Variants in ZNF644 observed in about 807,000 individuals in gnomAD.
ZNF644 encodes the protein zinc finger protein 644.
A neutral mutation model predicts 108.0 loss-of-function variants in ZNF644; 20 were observed. The observed-to-expected ratio is 0.19, with a 90% CI of 0.13 to 0.27. The LOEUF is 0.27. Among genes scored for constraint, ZNF644 ranks in the 10% least tolerant of loss-of-function variants. The pLI, the probability that ZNF644 is intolerant of heterozygous loss-of-function variation, is 1.00. For synonymous variants in ZNF644, 542 were observed against 539.1 expected (o/e 1.01, Z -0.08); for missense variants, 1,338 against 1,548.9 (o/e 0.86, Z 2.29).
Position 90,988,858 on chromosome 1 carries a change from T to C in ZNF644, c.-17-6488A>G, listed in dbSNP as rs1657368232. 2.6e-5 allele frequency among the ~76,000 whole-genome samples: 4 copies of C among 152,150 alleles called. No individual in the cohort carries two copies. In the South Asian group the frequency reaches 8.3e-4, roughly 32 times the overall value. On this transcript the variant is annotated intron_variant, in intron 1 of 5. Coordinates refer to ENST00000337393, the MANE Select transcript of ZNF644 (RefSeq NM_201269.3). ...CGTGAAAAAGAATGAAGTCGGACCC[T>C]TACTTACACCACATACAAAAATTAA... is the stretch of plus-strand genomic sequence containing the variant.
intron 1 of ZNF644, among the ~76,000 whole-genome samples, chr1:91,008,151 C>G (rs1435353369): frequency 6.6e-6 from 1 of 152,218 alleles, no homozygotes; most frequent in Non-Finnish European, 1.5e-5. Flanking sequence ...TTAATTCTCC[C>G]TGTTTTCCAG....
At chr1:90,961,438 G>C (rs1290350626) in intron 2 of ZNF644, among the ~76,000 whole-genome samples, 1 of 152,048 alleles carries the variant, frequency 6.6e-6, no homozygotes, top group Admixed American at 6.6e-5. Context: ...CCTTATTAGA[G>C]GATCTTCAAT....
chr1:90,965,826 T>G (rs1022446296), intron 2 of ZNF644, among the ~76,000 whole-genome samples: 14 of 152,172 alleles, frequency 9.2e-5, no homozygotes, highest in Non-Finnish European at 2.9e-5. Context: ...CTCGGCTCAC[T>G]GATACCTTCA....
In ZNF644 at chr1:90,915,811, A is replaced by G. The variant is rs1220198481; in HGVS notation, c.*987T>C. 3 of 152,716 alleles carry G rather than the reference A, an allele frequency of 2.0e-5. No homozygotes were observed. The East Asian group carries it at 5.8e-4, about 29-fold the overall frequency. 9.5% of individuals were successfully genotyped at this position (152,716 alleles called of 1,614,324 possible). A position where few individuals can be genotyped will look rare whatever the true frequency, so the allele number is the denominator to read the frequency against. On this transcript the variant is annotated 3_prime_UTR_variant, in exon 6 of 6. Coordinates refer to ENST00000337393, the MANE Select transcript of ZNF644 (RefSeq NM_201269.3). ...TTTAATTGGTGTATTAAGTTTTGCT[A>G]ACTGATCAAATTTGGAAGATAATAT...
chr1:90,966,928 A>G (rs1272277602), intron 2 of ZNF644, among the ~76,000 whole-genome samples: 3 of 151,986 alleles, frequency 2.0e-5, no homozygotes, highest in Admixed American at 6.6e-5. Context: ...CATAAGCAGA[A>G]AGAGTTTCTT....
chr1:90,917,659 G>A (rs969891864), intron 5 of ZNF644, among the ~76,000 whole-genome samples: 3 of 152,020 alleles, frequency 2.0e-5, no homozygotes, highest in Non-Finnish European at 4.4e-5. Context: ...TACAAAGCCT[G>A]GCTAATTTTG....
chr1:90,945,191 T>A (rs969709667), intron 2 of ZNF644, among the ~76,000 whole-genome samples: 2 of 152,126 alleles, frequency 1.3e-5, no homozygotes, highest in Non-Finnish European at 2.9e-5. Context: ...AATAAACTGA[T>A]GTTTGGACTC....
chr1:90,923,479 A>G (rs1169626074), intron 4 of ZNF644, among the ~76,000 whole-genome samples: 1 of 152,170 alleles, frequency 6.6e-6, no homozygotes, highest in African/African-American at 2.4e-5. Context: ...TATTCCCAAG[A>G]TGAGTAGTTT....
chr1:90,927,058 T>C (rs1228962973), intron 4 of ZNF644, among the ~76,000 whole-genome samples: 1 of 152,148 alleles, frequency 6.6e-6, no homozygotes, highest in East Asian at 1.9e-4. Context: ...GCTCCCTCTT[T>C]CAGGCATTTC....
At chr1:90,917,025 A>G in intron 5 of ZNF644, 35 bp from the exon 6 acceptor site, 3 of 1,605,454 alleles carry the variant, frequency 1.9e-6, no homozygotes, top group Non-Finnish European at 2.6e-6. Context: ...AACATGACCA[A>G]TTCTCTTTCT....
intron 1 of ZNF644, among the ~76,000 whole-genome samples, chr1:90,988,566 C>A (rs1440037494): frequency 6.6e-6 from 1 of 151,978 alleles, no homozygotes; most frequent in African/African-American, 2.4e-5. Context: ...CTCAAAGGAC[C>A]CCATAGAGCC....
chr1:90,973,687 G>A (rs1464183469), intron 2 of ZNF644, among the ~76,000 whole-genome samples: 4 of 151,894 alleles, frequency 2.6e-5, no homozygotes, highest in Admixed American at 6.6e-5. Context: ...AGGTAACCAC[G>A]ATTTTTGTTT....
In ZNF644 at chr1:90,938,193, T is replaced by C. The variant is rs971594381; in HGVS notation, c.3082+79A>G. On this transcript the variant is annotated intron_variant, in intron 3 of 5. Transcript: ENST00000337393. This position sits in a 1 kb window ranked among gnomAD's most constrained non-coding sequence, Gnocchi z 4.2. The stretch of plus-strand genomic sequence containing the variant: ...ATAAAATTATGATTCTAATAAAGAC[T>C]AAATTCAAAAAAAACTTTTAAATCT... 2.0e-5 allele frequency: 32 copies of C among 1,609,662 alleles called. No homozygotes were observed. The East Asian group carries it at 6.7e-4, about 34-fold the overall frequency.
chr1:90,983,084 T>A (rs1277873538), intron 1 of ZNF644, among the ~76,000 whole-genome samples: 1 of 152,108 alleles, frequency 6.6e-6, no homozygotes, highest in Non-Finnish European at 1.5e-5. Flanking sequence ...ACTCTACATA[T>A]CTCCTCCTCC....
intron 1 of ZNF644, among the ~76,000 whole-genome samples, chr1:90,983,015 T>C (rs1656715365): frequency 6.6e-6 from 1 of 152,014 alleles, no homozygotes; most frequent in Non-Finnish European, 1.5e-5. Context: ...GCCAAAAATA[T>C]ATCCACCATT....
At chr1:90,989,493 T>C (rs1331201410) in intron 1 of ZNF644, among the ~76,000 whole-genome samples, 3 of 152,094 alleles carry the variant, frequency 2.0e-5, no homozygotes, top group African/African-American at 7.2e-5. Context: ...GAGTGAGCCA[T>C]AATTGTGCCA....
At chr1:90,954,282 T>C (rs1653503801) in intron 2 of ZNF644, among the ~76,000 whole-genome samples, 2 of 152,250 alleles carry the variant, frequency 1.3e-5, no homozygotes, top group Non-Finnish European at 2.9e-5. Flanking sequence ...ATTTCAACAA[T>C]GTTCACACTA....
chr1:90,939,681 G>A lies in ZNF644; in HGVS notation c.1673C>T (p.Thr558Ile). 1 of 1,614,020 alleles carries A rather than the reference G, an allele frequency of 6.2e-7. No homozygotes were observed. The highest frequency in any genetic ancestry group is 1.7e-5 in the Admixed American group (1 of 60,010). ...HGAVVKCPMV[T>I]SDIAQRKTQK... ...TGTTTTTCTCTGGGCAATATCAGAA[G>A]TGACCATAGGGCATTTTACCACTGC... Residue 558 changes from threonine (T) to isoleucine (I), a missense_variant, in exon 3 of 6, where the codon ACT (threonine) becomes ATT (isoleucine). By Grantham distance (89) the Thr-to-Ile change is moderately conservative. Coordinates refer to ENST00000337393, the MANE Select transcript of ZNF644 (RefSeq NM_201269.3).
At chr1:91,021,053 A>C (rs1023649875) in intron 1 of ZNF644, 2 of 152,384 alleles carry the variant, frequency 1.3e-5, no homozygotes, top group South Asian at 4.1e-4. Context: ...AAGTCTCGTA[A>C]CAAGTAACCT....
Sources: gnomAD v4.1 joint callset for allele counts (sites outside exome capture counted in the v4.1 genomes callset) on GRCh38, gnomAD v4.1.1 for gene constraint, Gnocchi (gnomAD v3.1) non-coding constraint, MANE v1.5 for transcripts, NCBI Gene and HGNC (gene_info 2026-07-23, HGNC 2026-07-21) for gene names.